SLCO4A1: variants seen among roughly 807,000 people sequenced by gnomAD.
The protein encoded by SLCO4A1 is solute carrier organic anion transporter family member 4A1.
A neutral mutation model predicts 64.6 loss-of-function variants in SLCO4A1; 51 were observed. That is an observed-to-expected ratio of 0.79 (90% CI 0.63 to 1.00). The LOEUF (loss-of-function observed/expected upper bound fraction) is 1.00, where lower values mean the gene tolerates loss of function less well. SLCO4A1 is among the 50% of genes least tolerant of loss of function. The pLI is 0.00. For missense variants in SLCO4A1, 919 were observed against 980.5 expected, an observed-to-expected ratio of 0.94 and a Z score of 0.84; for synonymous variants, 471 against 444.9, an observed-to-expected ratio of 1.06 and a Z score of -0.74.
intron 2 of SLCO4A1, among the ~76,000 whole-genome samples, 167 bp from the exon 3 acceptor site, chr20:62,658,510 C>T (rs1385582901): frequency 6.6e-6 from 1 of 152,278 alleles, no homozygotes; most frequent in Non-Finnish European, 1.5e-5. Context: ...ATATCAGGCC[C>T]AGTGGCAACT....
chr20:62,656,426 C>A lies in SLCO4A1; in HGVS notation c.-29C>A. The A allele has an allele frequency of 1.4e-6, 2 of 1,452,720 alleles. No individual in the cohort carries two copies. Among genetic ancestry groups the A allele is most frequent in the Non-Finnish European group, 1.8e-6 (2 of 1,102,508 alleles). 90.0% of individuals were successfully genotyped at this position (1,452,720 alleles called of 1,614,324 possible). On this transcript the variant is annotated 5_prime_UTR_variant, in exon 2 of 12. Coordinates refer to ENST00000217159, the MANE Select transcript of SLCO4A1 (RefSeq NM_016354.4). ...GGCCACTCCCACTGCGTGGCTGAAG[C>A]CTCGAGGTCACCAGGCGGAGGCGCG...
chr20:62,674,538 CCT>C (rs1337185710), downstream of SLCO4A1, among the ~76,000 whole-genome samples: 3 of 152,180 alleles, frequency 2.0e-5, no homozygotes, highest in African/African-American at 7.2e-5. Flanking sequence ...GGTGGTGCAC[CCT>C]CTCTGCTGCC....
In SLCO4A1 at chr20:62,667,876, C is replaced by T; in HGVS notation, c.1604C>T (p.Pro535Leu). The T allele has an allele frequency of 6.2e-7, 1 of 1,613,898 alleles. No homozygotes were observed. The highest frequency in any genetic ancestry group is 8.5e-7 in the Non-Finnish European group (1 of 1,180,040). ...MYFSLCHAGC[P>L]AATETNVDGQ... ...TTCTCACTGTGCCACGCAGGGTGCC[C>T]TGCAGCCACGGAGACGAATGTGGAC... Residue 535 changes from proline to leucine, a missense_variant, in exon 8 of 12, where the codon CCT becomes CTT. Physicochemically the swap from Pro to Leu is moderately conservative, Grantham distance 98. Transcript: ENST00000217159.
chr20:62,650,948 C>T (rs1307651682), intron 1 of SLCO4A1, among the ~76,000 whole-genome samples: 1 of 152,220 alleles, frequency 6.6e-6, no homozygotes, highest in African/African-American at 2.4e-5. Context: ...CTCACCAGCT[C>T]AGAACGGCAC....
Position 62,656,659 on chromosome 20 carries a change from G to A in SLCO4A1, c.205G>A (p.Ala69Thr), listed in dbSNP as rs369212474. The A allele has an allele frequency of 1.1e-4, 184 of 1,603,986 alleles. No homozygotes were observed. Among genetic ancestry groups the A allele is most frequent in the Middle Eastern group, 1.6e-4 (1 of 6,072 alleles). Residue 69 changes from alanine (A) to threonine (T), a missense_variant, in exon 2 of 12, where the codon GCC (alanine) becomes ACC (threonine). Ala to Thr is a moderately conservative substitution (Grantham distance 58). Transcript: ENST00000217159. ...LCQLWAEKHGARGTHEVRYVS... is the reference protein window; with the variant it reads ...LCQLWAEKHGTRGTHEVRYVS... ...CCAGCTCTGGGCCGAGAAGCATGGC[G>A]CCCGGGGGACCCATGAGGTGCGGTA...
At chr20:62,683,847 G>A (rs2427382) in intron 2 of SLCO4A1, among the ~76,000 whole-genome samples, 60,480 of 151,478 alleles carry the variant, frequency 0.4, 12,411 homozygotes, top group African/African-American at 0.45. Flanking sequence ...GCAAGATCAC[G>A]TGACCACACG....
chr20:62,662,871 C>T (rs1985294139), intron 5 of SLCO4A1: 2 of 152,086 alleles, frequency 1.3e-5, no homozygotes, highest in Middle Eastern at 3.4e-3. Context: ...CCAGGGTGCC[C>T]ACCCCAGGTC....
At chr20:62,654,896 C>T in intron 1 of SLCO4A1, among the ~76,000 whole-genome samples, 1 of 152,216 alleles carries the variant, frequency 6.6e-6, no homozygotes, top group East Asian at 1.9e-4. Flanking sequence ...AGGCCGGCCC[C>T]CCTCGGAGGC....
At chr20:62,650,886 T>G (rs1982361415) in intron 1 of SLCO4A1, 1 of 152,316 alleles carries the variant, frequency 6.6e-6, no homozygotes, top group South Asian at 2.1e-4. Flanking sequence ...GGCCAAGCCT[T>G]GACATACATG....
intron 11 of SLCO4A1, among the ~76,000 whole-genome samples, chr20:62,669,509 C>T (rs945921779): frequency 6.6e-6 from 1 of 152,218 alleles, no homozygotes; most frequent in African/African-American, 2.4e-5. Flanking sequence ...TGCAGCCTCT[C>T]CGTGATCAGT....
chr20:62,656,483 C>G lies in SLCO4A1; in HGVS notation c.29C>G (p.Pro10Arg). The stretch of plus-strand genomic sequence containing the variant: ...CCCCTGCATCAGCTGGGGGACAAGC[C>G]GCTCACCTTCCCCAGCCCCAACTCA... MPLHQLGDK[P>R]LTFPSPNSAM... Residue 10 changes from proline to arginine, a missense_variant, in exon 2 of 12, where the codon CCG becomes CGG. Transcript: ENST00000217159. The G allele has an allele frequency of 1.3e-6, 2 of 1,517,640 alleles. No homozygotes were observed. The highest frequency in any genetic ancestry group is 1.8e-6 in the Non-Finnish European group (2 of 1,132,914). 94.0% of individuals were successfully genotyped at this position (1,517,640 alleles called of 1,614,324 possible). A position where few individuals can be genotyped will look rare whatever the true frequency, so the allele number is the denominator to read the frequency against.
chr20:62,682,789 C>T (rs2147116846), intron 2 of SLCO4A1, among the ~76,000 whole-genome samples: 1 of 152,300 alleles, frequency 6.6e-6, no homozygotes, highest in East Asian at 1.9e-4. Context: ...TCATGTCACC[C>T]CCGACTTAGT....
downstream of SLCO4A1, among the ~76,000 whole-genome samples, chr20:62,674,757 G>A (rs1987507162): frequency 6.6e-6 from 1 of 152,196 alleles, no homozygotes; most frequent in African/African-American, 2.4e-5. Flanking sequence ...GTGAGATGAG[G>A]GGGTGAGGGT....
At chr20:62,675,137 C>T (rs928770992), downstream of SLCO4A1, among the ~76,000 whole-genome samples, 3 of 152,206 alleles carry the variant, frequency 2.0e-5, no homozygotes, top group Non-Finnish European at 2.9e-5. Flanking sequence ...CCAGCATGTT[C>T]GCACAGGGCA....
At chr20:62,658,605 C>A in intron 2 of SLCO4A1, 72 bp from the exon 3 acceptor site, 1 of 1,243,676 alleles carries the variant, frequency 8.0e-7, no homozygotes, top group Non-Finnish European at 1.1e-6. Context: ...CTCCCAGGCA[C>A]GGGGCCCCAC....
At chr20:62,668,372 G>T in intron 9 of SLCO4A1, 105 bp from the exon 10 acceptor site, 4 of 1,317,458 alleles carry the variant, frequency 3.0e-6, no homozygotes, top group Non-Finnish European at 4.4e-6. Flanking sequence ...TTGGGGGGGG[G>T]TGATGATGTG....
At chr20:62,655,209 AG>A (rs1983423462) in intron 1 of SLCO4A1, among the ~76,000 whole-genome samples, 1 of 151,576 alleles carries the variant, frequency 6.6e-6, no homozygotes, top group South Asian at 2.1e-4. Flanking sequence ...GGGGCGGCAC[AG>A]GTGTTCTGTA....
Position 62,661,481 on chromosome 20 carries a change from A to G in SLCO4A1, c.1121+306A>G, listed in dbSNP as rs1409816766. Among the ~76,000 whole-genome samples the G allele has an allele frequency of 2.0e-5, 3 of 152,042 alleles. No individual in the cohort carries two copies. Among genetic ancestry groups the G allele is most frequent in the Non-Finnish European group, 4.4e-5 (3 of 67,982 alleles). On this transcript the variant is annotated intron_variant, in intron 5 of 11. Coordinates refer to ENST00000217159, the MANE Select transcript of SLCO4A1 (RefSeq NM_016354.4). The surrounding 1 kb of genome is among the most constrained non-coding windows in gnomAD (Gnocchi z 5.2). ...CTCCTGTGGGCTGCGCCTGGCTCCCAGTGGCCACGGAGCAAATCCCTTCCA... is the reference window on the plus strand; with the variant it reads ...CTCCTGTGGGCTGCGCCTGGCTCCCGGTGGCCACGGAGCAAATCCCTTCCA...
At chr20:62,682,432 T>G (rs1270407829) in intron 2 of SLCO4A1, among the ~76,000 whole-genome samples, 1 of 152,160 alleles carries the variant, frequency 6.6e-6, no homozygotes, top group Non-Finnish European at 1.5e-5. Flanking sequence ...CAAATGCCCA[T>G]GCATTTGGAC....
Sources: allele counts gnomAD v4.1 joint callset (sites outside exome capture counted in the v4.1 genomes callset), GRCh38; gene constraint gnomAD v4.1.1; non-coding constraint Gnocchi (gnomAD v3.1); transcripts MANE v1.5; gene names NCBI Gene and HGNC (gene_info 2026-07-23, HGNC 2026-07-21).